Variants in SGK1 observed in about 807,000 individuals in gnomAD.
SGK1 encodes the protein serine/threonine-protein kinase Sgk1.
In SGK1, 26 loss-of-function variants were observed where a neutral mutation model predicts 64.2. That is an observed-to-expected ratio of 0.40 (90% CI 0.30 to 0.56). The LOEUF (loss-of-function observed/expected upper bound fraction) is 0.56. SGK1 is among the 20% of genes least tolerant of loss of function. SGK1 has a pLI of 0.38. For missense variants in SGK1, 519 were observed against 645.6 expected (o/e 0.80, Z 2.12); for synonymous variants, 265 against 239.7 (o/e 1.11, Z -0.98).
At chr6:134,298,028 A>C in intron 1 of SGK1, 1 of 938,130 alleles carries the variant, frequency 1.1e-6, no homozygotes, top group Non-Finnish European at 1.8e-6. Context: ...GCAGCTCCCG[A>C]TCTCTTCATA....
intron 2 of SGK1, among the ~76,000 whole-genome samples, chr6:134,241,745 C>A (rs112180014): frequency 2.0e-5 from 3 of 152,040 alleles, no homozygotes; most frequent in East Asian, 3.9e-4. Context: ...CTCAGCCTCC[C>A]GAGTAGCTGG....
Position 134,172,707 on chromosome 6 carries a change from A to G in SGK1, c.902T>C (p.Ile301Thr), listed in dbSNP as rs1775070462. 5 of 1,614,000 alleles carry G rather than the reference A, an allele frequency of 3.1e-6. No homozygotes were observed. In the South Asian group the frequency reaches 5.5e-5, roughly 18 times the overall value. Residue 301 changes from isoleucine to threonine, a missense_variant, in exon 9 of 14, where the codon ATA (isoleucine) becomes ACA (threonine). Physicochemically the swap from Ile to Thr is moderately conservative, Grantham distance 89 (BLOSUM62 -1). Coordinates refer to ENST00000367858, the MANE Select transcript of SGK1 (RefSeq NM_001143676.3). ...ATGCAGGTAGCCCAAGGCACTGGCTATTTCAGCAGCATAGAAACGAGCCCG... is the reference window on the plus strand; with the variant it reads ...ATGCAGGTAGCCCAAGGCACTGGCTGTTTCAGCAGCATAGAAACGAGCCCG... ...EPRARFYAAE[I>T]ASALGYLHSL...
chr6:134,177,583 C>A (rs1775265523), intron 3 of SGK1: 1 of 1,068,346 alleles, frequency 9.4e-7, no homozygotes. Flanking sequence ...CTCCTACACC[C>A]CACCTTATGT....
chr6:134,203,924 A>G (rs1775725714), intron 3 of SGK1, among the ~76,000 whole-genome samples: 1 of 151,930 alleles, frequency 6.6e-6, no homozygotes, highest in Non-Finnish European at 1.5e-5. Context: ...ATTAGCTGGG[A>G]GTGATGGCAT....
chr6:134,217,844 A>T (rs1416442601), intron 2 of SGK1, among the ~76,000 whole-genome samples: 4 of 152,206 alleles, frequency 2.6e-5, no homozygotes, highest in Middle Eastern at 3.2e-3. Context: ...AACTAGTCAG[A>T]TGTTCCTCCT....
chr6:134,279,042 C>T (rs1259656122), intron 1 of SGK1, among the ~76,000 whole-genome samples: 1 of 152,126 alleles, frequency 6.6e-6, no homozygotes, highest in Non-Finnish European at 1.5e-5. Context: ...AGTGAGACTT[C>T]CTTTCTACAG....
In SGK1 at chr6:134,175,348, C is replaced by G. The variant is rs550534920; in HGVS notation, c.362-762G>C. Among the ~76,000 whole-genome samples, 197 of 152,266 alleles carry G rather than the reference C, an allele frequency of 1.3e-3. 2 individuals are homozygous for G. Among genetic ancestry groups the G allele is most frequent in the Non-Finnish European group, 2.1e-3 (144 of 68,002 alleles). On this transcript the variant is annotated intron_variant, in intron 3 of 13. Coordinates refer to ENST00000367858, the MANE Select transcript of SGK1 (RefSeq NM_001143676.3). ...CGGACTCCCACCCTCCTCCCCAACC[C>G]GAGCCGGCGGTGCGCGCCACCCTCC...
intron 3 of SGK1, among the ~76,000 whole-genome samples, chr6:134,182,501 A>G (rs975666782): frequency 3.9e-5 from 6 of 152,162 alleles, no homozygotes; most frequent in African/African-American, 1.2e-4. Flanking sequence ...GTCTAAAAAA[A>G]AAAAAAAGGA....
intron 2 of SGK1, among the ~76,000 whole-genome samples, chr6:134,248,043 A>G (rs1776551355): frequency 6.6e-6 from 1 of 152,056 alleles, no homozygotes; most frequent in Non-Finnish European, 1.5e-5. Context: ...TCAATTATGA[A>G]GAAAATTGGA....
At chr6:134,274,123 C>G (rs1776983561) in intron 1 of SGK1, among the ~76,000 whole-genome samples, 1 of 152,116 alleles carries the variant, frequency 6.6e-6, no homozygotes, top group Non-Finnish European at 1.5e-5. Flanking sequence ...CCTGCCTCAG[C>G]CTCCCAAGTA....
At chr6:134,241,630 T>C (rs1370484554) in intron 2 of SGK1, among the ~76,000 whole-genome samples, 1 of 152,004 alleles carries the variant, frequency 6.6e-6, no homozygotes, top group Non-Finnish European at 1.5e-5. Flanking sequence ...ATTTATTTAT[T>C]TATTTTTTGA....
chr6:134,301,374 T>G (rs1777450636), intron 1 of SGK1, among the ~76,000 whole-genome samples: 1 of 152,032 alleles, frequency 6.6e-6, no homozygotes, highest in African/African-American at 2.4e-5. Context: ...CCCACATTAT[T>G]GGTAAGACAG....
intron 2 of SGK1, among the ~76,000 whole-genome samples, chr6:134,220,058 C>CAAAAAAAAAAAAAAAAAAAAAAA (rs55870107): frequency 1.5e-4 from 9 of 61,350 alleles, no homozygotes; most frequent in Non-Finnish European, 2.0e-4. Context: ...GACTCCGTCT[C>CAAAAAAAAAAAAAAAAAAAAAAA]AAAAAAAAAA....
chr6:134,244,520 C>T (rs754388528), intron 2 of SGK1, among the ~76,000 whole-genome samples: 8 of 151,998 alleles, frequency 5.3e-5, no homozygotes, highest in Non-Finnish European at 1.0e-4. Flanking sequence ...TGGATAGCAC[C>T]GTCCCTCACG....
intron 2 of SGK1, among the ~76,000 whole-genome samples, chr6:134,240,670 T>C (rs1214168942): frequency 6.6e-6 from 1 of 152,256 alleles, no homozygotes; most frequent in Non-Finnish European, 1.5e-5. Flanking sequence ...AAAAATGATA[T>C]ATTAGTTGTC....
intron 3 of SGK1, among the ~76,000 whole-genome samples, chr6:134,197,825 T>G (rs1775617454): frequency 7.3e-6 from 1 of 136,666 alleles, no homozygotes; most frequent in Non-Finnish European, 1.6e-5. Context: ...AGACTCCATC[T>G]CAAAGAATAA....
intron 1 of SGK1, among the ~76,000 whole-genome samples, chr6:134,288,692 G>A (rs1174140584): frequency 7.5e-6 from 1 of 133,896 alleles, no homozygotes; most frequent in East Asian, 2.5e-4. Context: ...TACAGAGGCG[G>A]TATTCGGAAG....
At chr6:134,203,230 G>A (rs1259260951) in intron 3 of SGK1, among the ~76,000 whole-genome samples, 1 of 152,098 alleles carries the variant, frequency 6.6e-6, no homozygotes, top group Non-Finnish European at 1.5e-5. Context: ...GCAACAGAGT[G>A]AGACTCTGTC....
In SGK1 at chr6:134,225,306, G is replaced by A. The variant is rs766532911; in HGVS notation, c.286-17875C>T. Among the ~76,000 whole-genome samples the A allele has an allele frequency of 2.6e-4, 39 of 149,668 alleles. 1 individual carries two copies. Among genetic ancestry groups the A allele is most frequent in the Admixed American group, 1.7e-3 (25 of 14,970 alleles). On this transcript the variant is annotated intron_variant, in intron 2 of 13. Transcript: ENST00000367858. ...GCAAAGGCTGCAGTGAGCTGAGATC[G>A]GACCACTGCACTCCAGCCTGGGTGA...
Sources: gnomAD v4.1 joint callset for allele counts (sites outside exome capture counted in the v4.1 genomes callset) on GRCh38, gnomAD v4.1.1 for gene constraint, MANE v1.5 for transcripts, NCBI Gene and HGNC (gene_info 2026-07-23, HGNC 2026-07-21) for gene names.